HS6ST2: variants seen among roughly 807,000 people sequenced by gnomAD.
HS6ST2 encodes the protein heparan-sulfate 6-O-sulfotransferase 2.
HS6ST2 carries 17 observed loss-of-function variants against 33.0 expected under a neutral mutation model. The observed-to-expected ratio is 0.52, with a 90% CI of 0.35 to 0.77. The LOEUF (loss-of-function observed/expected upper bound fraction) is 0.77, where lower values mean the gene tolerates loss of function less well. HS6ST2 is among the 30% of genes least tolerant of loss of function. The pLI, the probability that HS6ST2 is intolerant of heterozygous loss-of-function variation, is 0.01. For synonymous variants in HS6ST2, 248 were observed against 237.1 expected, an observed-to-expected ratio of 1.05 and a Z score of -0.42; for missense variants, 519 against 551.7, an observed-to-expected ratio of 0.94 and a Z score of 0.59.
intron 2 of HS6ST2, among the ~76,000 whole-genome samples, chrX:132,748,002 T>C (rs765996387): frequency 8.9e-6 from 1 of 111,885 alleles, no homozygotes; most frequent in East Asian, 2.8e-4. Context: ...TTTTTCAAAA[T>C]AAAGCTGTTA....
intron 4 of HS6ST2, among the ~76,000 whole-genome samples, chrX:132,630,580 C>T (rs1425685690): frequency 8.9e-6 from 1 of 111,848 alleles, no homozygotes; most frequent in Admixed American, 9.5e-5. Context: ...ATGTACCCCA[C>T]TCTGTGTTGC....
At chrX:132,942,828 C>T (rs2066901243) in intron 2 of HS6ST2, among the ~76,000 whole-genome samples, 2 of 111,899 alleles carry the variant, frequency 1.8e-5, no homozygotes, top group East Asian at 5.6e-4. Context: ...GAGACAAATG[C>T]CAACATTCTA....
intron 2 of HS6ST2, among the ~76,000 whole-genome samples, chrX:132,942,548 A>G (rs1372983665): frequency 8.9e-6 from 1 of 112,211 alleles, no homozygotes; most frequent in Non-Finnish European, 1.9e-5. Context: ...TTTCAGCAAC[A>G]AAATGGATTC....
intron 2 of HS6ST2, among the ~76,000 whole-genome samples, chrX:132,737,061 C>T (rs1473821445): frequency 9.0e-6 from 1 of 111,640 alleles, no homozygotes; most frequent in African/African-American, 3.3e-5. Flanking sequence ...TGTAAGGTAC[C>T]ACTGAGCTCA....
rs765796638 is a variant in HS6ST2, at chrX:132,958,335, G to A, written c.268C>T (p.Leu90=). Residue 90 remains leucine (L), a synonymous_variant, in exon 1 of 5, where the codon CTG becomes TTG. Transcript: ENST00000370833. ...ATCCGCCTGCGGCGGCCCCGGGACA[G>A]CAGCGCGAAAAGCGGGGCGCACGCG... is the stretch of plus-strand genomic sequence containing the variant. The part of the protein sequence containing the change: ...GAACAPLFAL[L]SRGRRRRMHV... The A allele has an allele frequency of 2.6e-4, 310 of 1,197,211 alleles. No homozygotes were observed. The highest frequency in any genetic ancestry group is 3.4e-4 in the Non-Finnish European group (307 of 893,384).
chrX:132,831,576 A>G lies in HS6ST2; in HGVS notation c.948-123082T>C, dbSNP rs942252888. Among the ~76,000 whole-genome samples the G allele has an allele frequency of 7.2e-5, 8 of 111,519 alleles. No individual in the cohort carries two copies. In the Admixed American group the frequency reaches 7.7e-4, roughly 11 times the overall value. On this transcript the variant is annotated intron_variant, in intron 2 of 4. Transcript: ENST00000370833. ...TGGACACTGCCTCTCAGTTCTCAGAACCGAGATACTTTGGAAATGGTTCTC... is the reference window on the plus strand; with the variant it reads ...TGGACACTGCCTCTCAGTTCTCAGAGCCGAGATACTTTGGAAATGGTTCTC...
intron 2 of HS6ST2, among the ~76,000 whole-genome samples, chrX:132,757,361 G>GA (rs2064765762): frequency 8.9e-6 from 1 of 112,068 alleles, no homozygotes; most frequent in Non-Finnish European, 1.9e-5. Flanking sequence ...CTCGAGCACA[G>GA]AGTCACTGGT....
chrX:132,828,145 T>C (rs2065543209), intron 2 of HS6ST2, among the ~76,000 whole-genome samples: 2 of 111,063 alleles, frequency 1.8e-5, no homozygotes, highest in Admixed American at 1.9e-4. Flanking sequence ...TACCCTCTGT[T>C]TTAACTCATC....
chrX:132,691,230 A>T (rs895204648), intron 3 of HS6ST2, among the ~76,000 whole-genome samples: 6 of 111,816 alleles, frequency 5.4e-5, no homozygotes, highest in Admixed American at 9.5e-5. Context: ...TTATCTTGCA[A>T]AATGGAAAGG....
chrX:132,630,753 C>T (rs2063511088), intron 4 of HS6ST2, among the ~76,000 whole-genome samples: 1 of 110,902 alleles, frequency 9.0e-6, no homozygotes. Context: ...TTGAGACCAG[C>T]CTGGACAACA....
intron 2 of HS6ST2, among the ~76,000 whole-genome samples, chrX:132,837,718 G>A (rs1250356022): frequency 8.9e-6 from 1 of 111,992 alleles, no homozygotes; most frequent in African/African-American, 3.2e-5. Context: ...CATTCAAATT[G>A]TTCCGCACAC....
chrX:132,960,263 G>T (rs2067134120), upstream of HS6ST2, among the ~76,000 whole-genome samples: 1 of 110,934 alleles, frequency 9.0e-6, no homozygotes, highest in African/African-American at 3.3e-5. Context: ...AGCTATGGGG[G>T]TGGCCCCGGA....
chrX:132,727,441 T>C (rs941856958), intron 2 of HS6ST2, among the ~76,000 whole-genome samples: 45 of 110,698 alleles, frequency 4.1e-4, no homozygotes, highest in African/African-American at 1.5e-3. Flanking sequence ...CCATACATGA[T>C]AATAGTTATA....
chrX:132,923,519 A>G (rs962596341), intron 2 of HS6ST2, among the ~76,000 whole-genome samples: 2 of 111,981 alleles, frequency 1.8e-5, no homozygotes, highest in African/African-American at 6.5e-5. Flanking sequence ...TATTTGGTCT[A>G]CATGTTTTGC....
At chrX:132,877,641 T>C (rs1408350603) in intron 2 of HS6ST2, among the ~76,000 whole-genome samples, 1 of 111,207 alleles carries the variant, frequency 9.0e-6, no homozygotes, top group Non-Finnish European at 1.9e-5. Flanking sequence ...ATAAGGAAGG[T>C]TGTTCCTAGA....
chrX:132,692,306 G>A (rs182077469), intron 3 of HS6ST2, among the ~76,000 whole-genome samples: 3 of 110,903 alleles, frequency 2.7e-5, no homozygotes, highest in Non-Finnish European at 3.8e-5. Context: ...TCACTTCCCC[G>A]CTTTCACACT....
chrX:132,909,513 G>A (rs935051848), intron 2 of HS6ST2, among the ~76,000 whole-genome samples: 3 of 111,988 alleles, frequency 2.7e-5, no homozygotes, highest in Non-Finnish European at 5.6e-5. Flanking sequence ...CTATTGATTG[G>A]AACTCTTTTT....
At chrX:132,838,489 T>C (rs1228866144) in intron 2 of HS6ST2, among the ~76,000 whole-genome samples, 1 of 111,897 alleles carries the variant, frequency 8.9e-6, no homozygotes, top group African/African-American at 3.3e-5. Flanking sequence ...AGACCCAGAA[T>C]TATAAATTAT....
chrX:132,759,743 T>C (rs1038059173), intron 2 of HS6ST2, among the ~76,000 whole-genome samples: 10 of 111,857 alleles, frequency 8.9e-5, no homozygotes, highest in African/African-American at 3.2e-4. Context: ...CAAAGAAACA[T>C]AACCTAGAAG....
Sources: gnomAD v4.1 joint callset for allele counts (sites outside exome capture counted in the v4.1 genomes callset) on GRCh38, gnomAD v4.1.1 for gene constraint, MANE v1.5 for transcripts, NCBI Gene and HGNC (gene_info 2026-07-23, HGNC 2026-07-21) for gene names.